GRIK2: variants seen among roughly 807,000 people sequenced by gnomAD.
The protein encoded by GRIK2 is glutamate receptor ionotropic, kainate 2.
GRIK2 carries 32 observed loss-of-function variants against 100.3 expected under a neutral mutation model. The ratio of observed to expected loss-of-function variants is 0.32; its 90% CI spans 0.24 to 0.43. GRIK2 has a LOEUF of 0.43. Among genes scored for constraint, GRIK2 ranks in the 20% least tolerant of loss-of-function variants. The probability of loss-of-function intolerance (pLI) is 1.00; values close to 1 mark genes in which losing one functional copy is unlikely to be tolerated. For missense variants in GRIK2, 843 were observed against 1,114.9 expected, an observed-to-expected ratio of 0.76 and a Z score of 3.47; for synonymous variants, 417 against 389.4, an observed-to-expected ratio of 1.07 and a Z score of -0.83.
In GRIK2 at chr6:101,577,448, C is replaced by T. The variant is rs145014577; in HGVS notation, c.116-44501C>T. On this transcript the variant is annotated intron_variant, in intron 2 of 16. Coordinates refer to ENST00000369134, the MANE Select transcript of GRIK2 (RefSeq NM_021956.5). ...AAATATTTAGAGTAATTTTTGTATT[C>T]TCAGAAACCATATTTTTTCTTCTAA... 6.7e-3 allele frequency among the ~76,000 whole-genome samples: 1,023 copies of T among 151,948 alleles called. 11 individuals are homozygous for T. Among genetic ancestry groups the T allele is most frequent in the African/African-American group, 0.024 (983 of 41,472 alleles).
chr6:102,020,119 A>T (rs1311601618), intron 14 of GRIK2, among the ~76,000 whole-genome samples: 4 of 151,966 alleles, frequency 2.6e-5, no homozygotes, highest in Non-Finnish European at 5.9e-5. Flanking sequence ...TCCACAGAGT[A>T]AGTATCTCAG....
chr6:101,734,462 G>T (rs1775495572), intron 7 of GRIK2, among the ~76,000 whole-genome samples: 1 of 152,128 alleles, frequency 6.6e-6, no homozygotes. Flanking sequence ...ATTGGATAAG[G>T]CCCACCTATA....
rs1778069506 is a variant in GRIK2 at position 101,581,188 on chromosome 6, A to G, written c.116-40761A>G. ...TATACATATATATATATATACACAC[A>G]CACACATATATATACGCATATATAT... On this transcript the variant is annotated intron_variant, in intron 2 of 16. Transcript: ENST00000369134. 3.3e-5 allele frequency among the ~76,000 whole-genome samples: 5 copies of G among 150,828 alleles called. No individual in the cohort carries two copies. In the South Asian group the frequency reaches 1.0e-3, roughly 31 times the overall value.
At chr6:101,553,502 T>A (rs1562221552) in intron 2 of GRIK2, among the ~76,000 whole-genome samples, 1 of 152,208 alleles carries the variant, frequency 6.6e-6, no homozygotes, top group Non-Finnish European at 1.5e-5. Flanking sequence ...TAATGAATGA[T>A]TGAATAGTTC....
intron 14 of GRIK2, among the ~76,000 whole-genome samples, chr6:101,968,329 T>C (rs1219052582): frequency 6.6e-6 from 1 of 152,044 alleles, no homozygotes; most frequent in African/African-American, 2.4e-5. Flanking sequence ...AAATAAGATG[T>C]TTAGGAGTTA....
At chr6:101,938,758 T>C (rs1268731256) in intron 14 of GRIK2, among the ~76,000 whole-genome samples, 2 of 152,182 alleles carry the variant, frequency 1.3e-5, no homozygotes, top group East Asian at 1.9e-4. Context: ...CTTTCTTAAT[T>C]TGAGTTAAAT....
intron 14 of GRIK2, among the ~76,000 whole-genome samples, chr6:101,974,743 C>A (rs1312723484): frequency 6.6e-6 from 1 of 151,970 alleles, no homozygotes; most frequent in Non-Finnish European, 1.5e-5. Context: ...TACAAAATAG[C>A]TTCAAGCATC....
chr6:101,586,582 CTG>C (rs780533511), intron 2 of GRIK2, among the ~76,000 whole-genome samples: 16 of 151,876 alleles, frequency 1.1e-4, no homozygotes, highest in Non-Finnish European at 1.9e-4. Context: ...GTCATTGACA[CTG>C]AGAGTTAGAA....
At chr6:101,647,974 C>G (rs1351536214) in intron 4 of GRIK2, among the ~76,000 whole-genome samples, 1 of 151,876 alleles carries the variant, frequency 6.6e-6, no homozygotes, top group East Asian at 1.9e-4. Flanking sequence ...TACCAGCATC[C>G]CTAACCTTTA....
At chr6:101,667,679 C>A (rs1265222287) in intron 4 of GRIK2, among the ~76,000 whole-genome samples, 4 of 152,082 alleles carry the variant, frequency 2.6e-5, no homozygotes, top group Non-Finnish European at 5.9e-5. Flanking sequence ...AATGTATCAT[C>A]TATACTGTAT....
At chr6:101,396,932 GTTTAA>G (rs1775034211) in intron 1 of GRIK2, among the ~76,000 whole-genome samples, 2 of 152,128 alleles carry the variant, frequency 1.3e-5, no homozygotes, top group Admixed American at 6.5e-5. Flanking sequence ...TCTTTTAACT[GTTTAA>G]TTTATTGTGT....
chr6:101,842,928 A>G (rs1783602050), intron 10 of GRIK2, among the ~76,000 whole-genome samples: 1 of 152,130 alleles, frequency 6.6e-6, no homozygotes, highest in Admixed American at 6.6e-5. Context: ...AGGATGGCAA[A>G]CACTGGAATC....
chr6:102,058,153 C>T (rs1004305493), intron 16 of GRIK2, among the ~76,000 whole-genome samples: 7 of 151,788 alleles, frequency 4.6e-5, no homozygotes, highest in South Asian at 4.1e-4. Flanking sequence ...GATATCTTCA[C>T]GCTGCGAACC....
intron 7 of GRIK2, among the ~76,000 whole-genome samples, chr6:101,798,966 A>G (rs994131873): frequency 6.6e-6 from 1 of 152,128 alleles, no homozygotes; most frequent in African/African-American, 2.4e-5. Context: ...ACTTTTATTC[A>G]TATGGAAATC....
intron 7 of GRIK2, among the ~76,000 whole-genome samples, chr6:101,727,566 C>T (rs1478037885): frequency 6.6e-6 from 1 of 152,068 alleles, no homozygotes; most frequent in Non-Finnish European, 1.5e-5. Flanking sequence ...ACTTGTTGTA[C>T]ATTATCTTTC....
At chr6:101,880,240 A>C (rs1406960622) in intron 11 of GRIK2, among the ~76,000 whole-genome samples, 2 of 152,014 alleles carry the variant, frequency 1.3e-5, no homozygotes, top group Admixed American at 1.3e-4. Context: ...GGGGTAACCA[A>C]ATATAGAAAA....
chr6:101,759,971 G>A (rs1777399372), intron 7 of GRIK2, among the ~76,000 whole-genome samples: 1 of 115,410 alleles, frequency 8.7e-6, no homozygotes, highest in Admixed American at 9.0e-5. Flanking sequence ...CCGGGTTCAC[G>A]CCATTCTCCT....
intron 2 of GRIK2, among the ~76,000 whole-genome samples, chr6:101,493,667 G>A (rs1372939580): frequency 1.3e-5 from 2 of 151,778 alleles, no homozygotes; most frequent in Non-Finnish European, 2.9e-5. Flanking sequence ...AGAGGAGAAA[G>A]TAGAGTGAGT....
At chr6:101,698,955 G>T (rs550352786) in intron 7 of GRIK2, among the ~76,000 whole-genome samples, 1 of 152,226 alleles carries the variant, frequency 6.6e-6, no homozygotes, top group South Asian at 2.1e-4. Context: ...TCCCTTTGTA[G>T]TTACCTCACT....
Sources: allele counts gnomAD v4.1 joint callset (sites outside exome capture counted in the v4.1 genomes callset), GRCh38; gene constraint gnomAD v4.1.1; transcripts MANE v1.5; gene names NCBI Gene and HGNC (gene_info 2026-07-23, HGNC 2026-07-21).